The following TMEM132D variants were observed in gnomAD, a reference collection of about 807,000 sequenced individuals.
The protein encoded by TMEM132D is transmembrane protein 132D.
Under a neutral mutation model 62.3 loss-of-function variants are expected in TMEM132D, and 21 were observed. That is an observed-to-expected ratio of 0.34 (90% CI 0.24 to 0.49). The LOEUF (loss-of-function observed/expected upper bound fraction) is 0.49. Among genes scored for constraint, TMEM132D ranks in the 20% least tolerant of loss-of-function variants. The pLI, the probability that TMEM132D is intolerant of heterozygous loss-of-function variation, is 0.99. For synonymous variants in TMEM132D, 621 were observed against 575.6 expected, an observed-to-expected ratio of 1.08 and a Z score of -1.13; for missense variants, 1,346 against 1,402.8, an observed-to-expected ratio of 0.96 and a Z score of 0.65.
chr12:129,836,495 A>AGTGT lies in TMEM132D; in HGVS notation c.79+66762_79+66765dup, dbSNP rs3046909. 8.3e-3 allele frequency among the ~76,000 whole-genome samples: 1,253 copies of AGTGT among 150,900 alleles called. 11 individuals carry two copies. Among genetic ancestry groups the AGTGT allele is most frequent in the Non-Finnish European group, 0.011 (719 of 67,734 alleles). On this transcript the variant is annotated intron_variant, in intron 1 of 8. Coordinates refer to ENST00000422113, the MANE Select transcript of TMEM132D (RefSeq NM_133448.3). ...ATTGCTTGTGTCTCCAGGAATGCAG[A>AGTGT]GTGTGTGTGTGTGTGTGTGTGCGCG...
At chr12:129,753,628 C>T (rs916738138) in intron 1 of TMEM132D, among the ~76,000 whole-genome samples, 2 of 152,144 alleles carry the variant, frequency 1.3e-5, no homozygotes, top group African/African-American at 4.8e-5. Flanking sequence ...GACATACACA[C>T]TCATACACAA....
chr12:129,291,240 T>C (rs1881438377), intron 4 of TMEM132D, among the ~76,000 whole-genome samples: 2 of 152,240 alleles, frequency 1.3e-5, no homozygotes, highest in African/African-American at 4.8e-5. Context: ...TGCATGCTAA[T>C]AGATGTGTTC....
chr12:129,897,211 G>A (rs1875169768), intron 1 of TMEM132D, among the ~76,000 whole-genome samples: 1 of 152,308 alleles, frequency 6.6e-6, no homozygotes, highest in East Asian at 1.9e-4. Context: ...CGTTTTGTGA[G>A]AGGCCGCACC....
intron 4 of TMEM132D, among the ~76,000 whole-genome samples, chr12:129,301,286 A>G (rs1204093819): frequency 6.6e-6 from 1 of 152,106 alleles, no homozygotes; most frequent in African/African-American, 2.4e-5. Flanking sequence ...TCTAGTCCCT[A>G]TATTATAAAT....
chr12:129,444,483 G>T (rs1195120791), intron 3 of TMEM132D, among the ~76,000 whole-genome samples: 1 of 152,148 alleles, frequency 6.6e-6, no homozygotes, highest in Non-Finnish European at 1.5e-5. Flanking sequence ...TTTTATTTAA[G>T]TTCTGGGATA....
chr12:129,654,746 G>C (rs1234529490), intron 2 of TMEM132D, among the ~76,000 whole-genome samples: 2 of 152,070 alleles, frequency 1.3e-5, no homozygotes, highest in Non-Finnish European at 2.9e-5. Context: ...TCTATTTAGG[G>C]CTTCTCCTTT....
At chr12:129,865,326 G>C (rs977827823) in intron 1 of TMEM132D, among the ~76,000 whole-genome samples, 3 of 152,174 alleles carry the variant, frequency 2.0e-5, no homozygotes, top group Non-Finnish European at 2.9e-5. Context: ...GTCCGGTGTG[G>C]CTGGAGCATA....
chr12:129,901,596 G>A lies in TMEM132D; in HGVS notation c.79+1665C>T, dbSNP rs992592251. ...CTAATTTTTGGCCACCTAGTAAAGA[G>A]GCTTCCACATCACACAGGACCTCAT... On this transcript the variant is annotated intron_variant, in intron 1 of 8. Coordinates refer to ENST00000422113, the MANE Select transcript of TMEM132D (RefSeq NM_133448.3). Among the ~76,000 whole-genome samples the A allele has an allele frequency of 4.6e-5, 7 of 152,260 alleles. No homozygotes were observed. The East Asian group carries it at 1.4e-3, about 29-fold the overall frequency.
intron 2 of TMEM132D, among the ~76,000 whole-genome samples, chr12:129,664,709 G>C (rs1880332687): frequency 6.6e-6 from 1 of 152,142 alleles, no homozygotes; most frequent in African/African-American, 2.4e-5. Flanking sequence ...ACAGGTGTGA[G>C]CCACTGCGGC....
At chr12:129,268,098 C>T (rs1328243634) in intron 4 of TMEM132D, among the ~76,000 whole-genome samples, 1 of 152,178 alleles carries the variant, frequency 6.6e-6, no homozygotes, top group Non-Finnish European at 1.5e-5. Context: ...AAAACCTAGG[C>T]AATACCATTC....
chr12:129,138,556 A>G (rs924832748), intron 5 of TMEM132D, among the ~76,000 whole-genome samples: 4 of 152,144 alleles, frequency 2.6e-5, no homozygotes, highest in African/African-American at 9.7e-5. Flanking sequence ...CCCCGTCTCT[A>G]CTAAAAATAC....
At chr12:129,637,469 T>C (rs1463035527) in intron 2 of TMEM132D, among the ~76,000 whole-genome samples, 1 of 151,992 alleles carries the variant, frequency 6.6e-6, no homozygotes, top group Non-Finnish European at 1.5e-5. Context: ...TTTACTACCA[T>C]CCCCCTTGGT....
intron 5 of TMEM132D, among the ~76,000 whole-genome samples, chr12:129,137,771 G>A (rs1269961768): frequency 1.3e-5 from 2 of 152,188 alleles, no homozygotes; most frequent in Non-Finnish European, 2.9e-5. Context: ...CAACAGACAT[G>A]AGCAAGAAAA....
At chr12:129,183,030 C>T (rs973908524) in intron 5 of TMEM132D, among the ~76,000 whole-genome samples, 5 of 152,138 alleles carry the variant, frequency 3.3e-5, no homozygotes, top group African/African-American at 9.7e-5. Flanking sequence ...GGCTTCTTCA[C>T]GTGGCTGCTG....
chr12:129,893,124 C>T (rs1874983467), intron 1 of TMEM132D, among the ~76,000 whole-genome samples: 1 of 152,124 alleles, frequency 6.6e-6, no homozygotes, highest in Non-Finnish European at 1.5e-5. Context: ...ATCCGCCTGC[C>T]TCGGCCTCCC....
intron 3 of TMEM132D, among the ~76,000 whole-genome samples, chr12:129,467,633 C>T (rs1462083318): frequency 6.6e-6 from 1 of 152,200 alleles, no homozygotes; most frequent in Admixed American, 6.5e-5. Context: ...GATGACAGAG[C>T]AGACATGCCA....
intron 1 of TMEM132D, among the ~76,000 whole-genome samples, chr12:129,884,183 G>A (rs1457748032): frequency 6.6e-6 from 1 of 152,174 alleles, no homozygotes; most frequent in East Asian, 1.9e-4. Context: ...GCACAAAAAA[G>A]AAATGCTTTA....
At chr12:129,352,072 G>A (rs1345251744) in intron 3 of TMEM132D, among the ~76,000 whole-genome samples, 2 of 152,168 alleles carry the variant, frequency 1.3e-5, no homozygotes, top group East Asian at 3.9e-4. Context: ...ACTCCATCTT[G>A]AGTAAGGGCT....
intron 8 of TMEM132D, among the ~76,000 whole-genome samples, chr12:129,077,026 T>C (rs1411247292): frequency 6.6e-6 from 1 of 152,248 alleles, no homozygotes; most frequent in Non-Finnish European, 1.5e-5. Context: ...TCAACCACTT[T>C]CAAGTGTTTT....
Sources: allele counts gnomAD v4.1 joint callset (sites outside exome capture counted in the v4.1 genomes callset), GRCh38; gene constraint gnomAD v4.1.1; transcripts MANE v1.5; gene names NCBI Gene and HGNC (gene_info 2026-07-23, HGNC 2026-07-21).